NIM1K: variants seen among roughly 807,000 people sequenced by gnomAD.
The protein encoded by NIM1K is NIM1 serine/threonine protein kinase.
A neutral mutation model predicts 37.1 loss-of-function variants in NIM1K; 35 were observed. The observed-to-expected ratio is 0.94, with a 90% CI of 0.72 to 1.25. NIM1K has a LOEUF of 1.25. Ranked by LOEUF, NIM1K falls within the 50% of genes most tolerant of loss-of-function variation. NIM1K has a pLI of 0.00. For missense variants in NIM1K, 564 were observed against 548.0 expected, an observed-to-expected ratio of 1.03 and a Z score of -0.29; for synonymous variants, 234 against 206.6, an observed-to-expected ratio of 1.13 and a Z score of -1.14.
intron 1 of NIM1K, among the ~76,000 whole-genome samples, chr5:43,201,197 C>A (rs892837124): frequency 6.6e-6 from 1 of 151,654 alleles, no homozygotes; most frequent in Non-Finnish European, 1.5e-5. Context: ...ATCATAAGGT[C>A]ATGAGATCGA....
intron 2 of NIM1K, among the ~76,000 whole-genome samples, chr5:43,266,542 G>T (rs1753164698): frequency 6.6e-6 from 1 of 152,200 alleles, no homozygotes; most frequent in African/African-American, 2.4e-5. Context: ...GGCTAAGAAA[G>T]GGGATTCCCT....
At chr5:43,218,690 CCTT>C (rs1036895548) in intron 1 of NIM1K, among the ~76,000 whole-genome samples, 1 of 151,906 alleles carries the variant, frequency 6.6e-6, no homozygotes, top group African/African-American at 2.4e-5. Flanking sequence ...GGTCCCACCT[CCTT>C]CATAATTGAG....
At position 43,198,131 on chromosome 5, in the gene NIM1K, ATTTCTTTCTTTCTTTCTTTC is replaced by A. The variant is rs760219876; in HGVS notation, c.-695+5778_-695+5797del. 3.6e-3 allele frequency among the ~76,000 whole-genome samples: 381 copies of A among 106,016 alleles called. 3 individuals carry two copies. Among genetic ancestry groups the A allele is most frequent in the East Asian group, 5.1e-3 (18 of 3,542 alleles). 69.6% of individuals were successfully genotyped at this position (106,016 alleles called of 152,430 possible). On this transcript the variant is annotated intron_variant, in intron 1 of 3. Coordinates refer to ENST00000326035, the MANE Select transcript of NIM1K (RefSeq NM_153361.4). ...TCTGCACCCGCACCTGGCCAATATG[ATTTCTTTCTTTCTTTCTTTC>A]TTTCTTTCTTTCTTTCTTTCTTTCT... is the stretch of plus-strand genomic sequence containing the variant.
At chr5:43,279,336 G>T (rs1023945344) in intron 3 of NIM1K, among the ~76,000 whole-genome samples, 2 of 152,094 alleles carry the variant, frequency 1.3e-5, no homozygotes, top group Admixed American at 6.5e-5. Flanking sequence ...TCCAAAGCCT[G>T]GATTCTTATT....
chr5:43,206,179 T>C (rs1752107330), intron 1 of NIM1K, among the ~76,000 whole-genome samples: 1 of 151,882 alleles, frequency 6.6e-6, no homozygotes, highest in Admixed American at 6.6e-5. Context: ...GTGAGCAGAG[T>C]TCAGTGGAAA....
intron 2 of NIM1K, among the ~76,000 whole-genome samples, chr5:43,270,541 G>A (rs1753240405): frequency 6.6e-6 from 1 of 152,208 alleles, no homozygotes; most frequent in Non-Finnish European, 1.5e-5. Flanking sequence ...AGGAGTGGAA[G>A]AAGGCATTAG....
chr5:43,255,771 A>AAAGAAAGAAAGAAAGG, intron 2 of NIM1K, among the ~76,000 whole-genome samples: 1 of 150,792 alleles, frequency 6.6e-6, no homozygotes, highest in African/African-American at 2.5e-5. Context: ...AGAAAGAAAG[A>AAAGAAAGAAAGAAAGG]AAGAAAGAGC....
In NIM1K at chr5:43,279,235, G is replaced by T. The variant is rs1290750613; in HGVS notation, c.562-745G>T. The stretch of plus-strand genomic sequence containing the variant: ...ATATATAGTTCTCACCACAGCCTAT[G>T]GTTATCAGTATCCCACTTTACAGAG... On this transcript the variant is annotated intron_variant, in intron 3 of 3. Coordinates refer to ENST00000326035, the MANE Select transcript of NIM1K (RefSeq NM_153361.4). Among the ~76,000 whole-genome samples the T allele has an allele frequency of 2.0e-5, 3 of 152,164 alleles. 1 individual carries two copies. Among genetic ancestry groups the T allele is most frequent in the South Asian group, 4.1e-4 (2 of 4,832 alleles).
chr5:43,259,989 C>T (rs941036832), intron 2 of NIM1K, among the ~76,000 whole-genome samples: 1 of 151,980 alleles, frequency 6.6e-6, no homozygotes, highest in Non-Finnish European at 1.5e-5. Flanking sequence ...TTTTATTCTC[C>T]TACATGGGGC....
chr5:43,272,540 G>A (rs1295143868), intron 2 of NIM1K, among the ~76,000 whole-genome samples: 2 of 152,118 alleles, frequency 1.3e-5, no homozygotes, highest in Non-Finnish European at 2.9e-5. Context: ...GGAAGGAGAA[G>A]GAGGGCCTGA....
intron 3 of NIM1K, among the ~76,000 whole-genome samples, chr5:43,277,543 C>A (rs1753364343): frequency 6.6e-6 from 1 of 152,138 alleles, no homozygotes; most frequent in African/African-American, 2.4e-5. Flanking sequence ...CTAGCTTCTG[C>A]AGACATTGGC....
chr5:43,221,227 CA>C (rs754407362), intron 1 of NIM1K, among the ~76,000 whole-genome samples: 5 of 152,030 alleles, frequency 3.3e-5, no homozygotes, highest in Non-Finnish European at 7.4e-5. Context: ...GTAATCCCAG[CA>C]CTTTCGGAGG....
intron 2 of NIM1K, among the ~76,000 whole-genome samples, chr5:43,249,231 G>A (rs138082330): frequency 0.076 from 11,577 of 151,758 alleles, 928 homozygotes; most frequent in African/African-American, 0.21. Context: ...CACCACGCCC[G>A]GCTAATTTTT....
At chr5:43,253,082 A>G (rs1372582646) in intron 2 of NIM1K, among the ~76,000 whole-genome samples, 1 of 147,186 alleles carries the variant, frequency 6.8e-6, no homozygotes, top group African/African-American at 2.5e-5. Context: ...GGCTCAAGTG[A>G]TTCACCCACC....
At chr5:43,193,271 CT>C (rs1751859725) in intron 1 of NIM1K, 1 of 152,066 alleles carries the variant, frequency 6.6e-6, no homozygotes, top group African/African-American at 2.4e-5. Context: ...TCTTTCCTTT[CT>C]GTTTTTTCCT....
Position 43,219,666 on chromosome 5 carries a change from A to T in NIM1K, c.-694-25416A>T, listed in dbSNP as rs1431787625. The stretch of plus-strand genomic sequence containing the variant: ...TATACAAATACAAGTACCTTATTAG[A>T]CACACAATTTGCAAAAACGTTTCCT... On this transcript the variant is annotated intron_variant, in intron 1 of 3. Coordinates refer to ENST00000326035, the MANE Select transcript of NIM1K (RefSeq NM_153361.4). Among the ~76,000 whole-genome samples, 3 of 152,300 alleles carry T rather than the reference A, an allele frequency of 2.0e-5. No individual in the cohort carries two copies. In the East Asian group the frequency reaches 5.8e-4, roughly 29 times the overall value.
intron 2 of NIM1K, among the ~76,000 whole-genome samples, chr5:43,250,243 ATATT>A (rs1395702793): frequency 6.6e-6 from 1 of 152,108 alleles, no homozygotes; most frequent in African/African-American, 2.4e-5. Context: ...TTTTTAAAAT[ATATT>A]TATGTGTATA....
At chr5:43,240,929 A>C (rs1372260099) in intron 1 of NIM1K, among the ~76,000 whole-genome samples, 1 of 151,952 alleles carries the variant, frequency 6.6e-6, no homozygotes, top group Admixed American at 6.6e-5. Context: ...TTTCACATCC[A>C]TCTTTATGTC....
At chr5:43,272,185 C>A (rs1405296696) in intron 2 of NIM1K, among the ~76,000 whole-genome samples, 1 of 152,134 alleles carries the variant, frequency 6.6e-6, no homozygotes, top group Non-Finnish European at 1.5e-5. Flanking sequence ...AGCTTGTAGA[C>A]CATAACCCTA....
Sources: allele counts gnomAD v4.1 joint callset (sites outside exome capture counted in the v4.1 genomes callset), GRCh38; gene constraint gnomAD v4.1.1; transcripts MANE v1.5; gene names NCBI Gene and HGNC (gene_info 2026-07-23, HGNC 2026-07-21).